Variants in TAF8 observed in about 807,000 individuals in gnomAD.
The protein encoded by TAF8 is TATA-box binding protein associated factor 8, also known as transcription initiation factor TFIID subunit 8.
In TAF8, 47 loss-of-function variants were observed where a neutral mutation model predicts 36.5. The ratio of observed to expected loss-of-function variants is 1.29; its 90% CI spans 1.02 to 1.64. The LOEUF (loss-of-function observed/expected upper bound fraction) is 1.64. Ranked by LOEUF, TAF8 falls within the 40% of genes most tolerant of loss-of-function variation. The pLI is 0.00. For synonymous variants in TAF8, 175 were observed against 159.5 expected, an observed-to-expected ratio of 1.10 and a Z score of -0.73; for missense variants, 420 against 407.6, an observed-to-expected ratio of 1.03 and a Z score of -0.26.
chr6:42,053,932 T>C (rs1380208612), intron 2 of TAF8, among the ~76,000 whole-genome samples: 1 of 152,218 alleles, frequency 6.6e-6, no homozygotes, highest in African/African-American at 2.4e-5. Flanking sequence ...TTGCTCAGTA[T>C]AGCAGGGGGG....
At chr6:42,068,818 A>G (rs1287399645) in intron 7 of TAF8, among the ~76,000 whole-genome samples, 2 of 152,174 alleles carry the variant, frequency 1.3e-5, no homozygotes, top group East Asian at 3.9e-4. Flanking sequence ...CGTTCATTCA[A>G]CAAATACAGT....
chr6:42,055,638 A>G lies in TAF8; in HGVS notation c.301+9A>G, dbSNP rs372622844. The stretch of plus-strand genomic sequence containing the variant: ...CACACTTGTTGAGATGGGTGAGTAT[A>G]CCTTCAGTTTCCAGTTCTTCGATGC... On this transcript the variant is annotated intron_variant, in intron 3 of 8. Coordinates refer to ENST00000372977, the MANE Select transcript of TAF8 (RefSeq NM_138572.3). The G allele has an allele frequency of 2.5e-5, 41 of 1,608,178 alleles. No individual in the cohort carries two copies. In the African/African-American group the frequency reaches 4.3e-4, roughly 17 times the overall value.
At chr6:42,050,893 CA>C in intron 1 of TAF8, 1 of 1,196,496 alleles carries the variant, frequency 8.4e-7, no homozygotes, top group Non-Finnish European at 1.0e-6. Flanking sequence ...ATTCCCGTTT[CA>C]AAATATTTAG....
rs1765951887 is a variant in TAF8 at position 42,082,445 on chromosome 6, T to A, written c.*4900T>A. The A allele has an allele frequency of 6.6e-6, 1 of 152,320 alleles. No homozygotes were observed. Among genetic ancestry groups the A allele is most frequent in the South Asian group, 2.1e-4 (1 of 4,838 alleles). The allele number at this position is 152,320 out of a possible 1,614,324, so 9.4% of individuals were successfully genotyped here. A position where few individuals can be genotyped will look rare whatever the true frequency, so the allele number is the denominator to read the frequency against. On this transcript the variant is annotated 3_prime_UTR_variant, in exon 9 of 9. Transcript: ENST00000372977. ...CCTCCACCTCCCGGGTTCAAGAGAT[T>A]CTCCTGCCTCAGCCTCCCAAGTAGC...
intron 7 of TAF8, among the ~76,000 whole-genome samples, chr6:42,072,815 C>G (rs1049303004): frequency 6.6e-6 from 1 of 152,032 alleles, no homozygotes; most frequent in African/African-American, 2.4e-5. Context: ...CTCCGCCTCC[C>G]GGGTTCATGC....
rs571529297 is a variant in TAF8, at chr6:42,059,240, G to A, written c.489+1727G>A. On this transcript the variant is annotated intron_variant, in intron 5 of 8. Transcript: ENST00000372977. ...TTACTAAAAATACAAAAAATCAGCC[G>A]GGCATGGTGGCGGGCACCTGTAGTC... 6.6e-5 allele frequency among the ~76,000 whole-genome samples: 10 copies of A among 152,184 alleles called. No individual in the cohort carries two copies. In the South Asian group the frequency reaches 8.3e-4, roughly 13 times the overall value.
intron 7 of TAF8, among the ~76,000 whole-genome samples, chr6:42,075,721 C>T (rs1439156141): frequency 2.0e-5 from 3 of 152,136 alleles, no homozygotes; most frequent in Non-Finnish European, 4.4e-5. Context: ...CCCGACCAAA[C>T]GTGGAAAATA....
At chr6:42,071,431 T>C (rs1231434023) in intron 7 of TAF8, 1 of 177,462 alleles carries the variant, frequency 5.6e-6, no homozygotes, top group Non-Finnish European at 1.2e-5. Context: ...GTTCAAGCGA[T>C]TCTCCAGCCT....
intron 5 of TAF8, among the ~76,000 whole-genome samples, chr6:42,065,983 C>T (rs546408596): frequency 6.6e-6 from 1 of 152,194 alleles, no homozygotes. Context: ...TCACTGCAAC[C>T]TCCGCCTCCT....
chr6:42,050,801 G>T, intron 1 of TAF8: 1 of 905,998 alleles, frequency 1.1e-6, no homozygotes, highest in Non-Finnish European at 1.5e-6. Context: ...GTTCGCTGTT[G>T]GGGGTTGGGA....
At chr6:42,075,396 T>C (rs891969705) in intron 7 of TAF8, among the ~76,000 whole-genome samples, 2 of 152,180 alleles carry the variant, frequency 1.3e-5, no homozygotes, top group Admixed American at 6.5e-5. Context: ...ACTGGGCCAA[T>C]GGAACTGTGT....
rs73430047 is a variant in TAF8 at position 42,076,451 on chromosome 6, A to G, written c.781-649A>G. Among the ~76,000 whole-genome samples, 676 of 152,316 alleles carry G rather than the reference A, an allele frequency of 4.4e-3. 5 individuals are homozygous for G. Among genetic ancestry groups the G allele is most frequent in the African/African-American group, 0.016 (647 of 41,584 alleles). On this transcript the variant is annotated intron_variant, in intron 7 of 8. Coordinates refer to ENST00000372977, the MANE Select transcript of TAF8 (RefSeq NM_138572.3). Reference sequence around the variant, plus strand: ...GGTGACACAGGGAGACTCCATCTCAAACAGGCAAACAAACAAACCCTGCCT... The same window carrying G: ...GGTGACACAGGGAGACTCCATCTCAGACAGGCAAACAAACAAACCCTGCCT...
At chr6:42,067,135 A>G (rs1040466554) in intron 6 of TAF8, among the ~76,000 whole-genome samples, 28 of 152,214 alleles carry the variant, frequency 1.8e-4, no homozygotes, top group African/African-American at 5.8e-4. Context: ...TCACTTCCTC[A>G]AGGAACATGG....
chr6:42,055,475 A>G (rs1764945089), intron 2 of TAF8, 56 bp from the exon 3 acceptor site: 4 of 1,216,212 alleles, frequency 3.3e-6, no homozygotes, highest in South Asian at 1.2e-5. Flanking sequence ...TGGTAATTCT[A>G]TGTTTAACTT....
At chr6:42,052,318 C>CG (rs60550539) in intron 2 of TAF8, among the ~76,000 whole-genome samples, 3,378 of 52,968 alleles carry the variant, frequency 0.064, 134 homozygotes, top group African/African-American at 0.24. Flanking sequence ...AGGGGAAAAG[C>CG]CCCCCCCCCC....
chr6:42,064,710 C>T (rs185151039), intron 5 of TAF8, among the ~76,000 whole-genome samples: 1 of 151,970 alleles, frequency 6.6e-6, no homozygotes, highest in African/African-American at 2.4e-5. Flanking sequence ...GTAATCCCAG[C>T]ACTTTGGGAG....
At chr6:42,071,966 G>T (rs917660029) in intron 7 of TAF8, among the ~76,000 whole-genome samples, 2 of 152,176 alleles carry the variant, frequency 1.3e-5, no homozygotes, top group African/African-American at 2.4e-5. Flanking sequence ...CCAAGCCAGG[G>T]TTGCAGACAG....
chr6:42,068,485 A>G lies in TAF8; in HGVS notation c.658A>G (p.Thr220Ala), dbSNP rs1357988637. ...GCCAGTGATTGCTGCCAGACCTTTC[A>G]CCATCCCCTACCTGACAGCTCTTCT... ...TFPLIAARPF[T>A]IPYLTALLPS... Residue 220 changes from threonine (T) to alanine (A), a missense_variant, in exon 7 of 9, where the codon ACC becomes GCC. By Grantham distance (58) the Thr-to-Ala change is moderately conservative. Coordinates refer to ENST00000372977, the MANE Select transcript of TAF8 (RefSeq NM_138572.3). The G allele has an allele frequency of 6.2e-7, 1 of 1,613,914 alleles. No individual in the cohort carries two copies. Among genetic ancestry groups the G allele is most frequent in the Admixed American group, 1.7e-5 (1 of 59,996 alleles).
In TAF8 at chr6:42,079,555, T is replaced by C; in HGVS notation, c.*2010T>C. 1 of 985,264 alleles carries C rather than the reference T, an allele frequency of 1.0e-6. No individual in the cohort carries two copies. Among genetic ancestry groups the C allele is most frequent in the Non-Finnish European group, 1.2e-6 (1 of 829,910 alleles). 61.0% of individuals were successfully genotyped at this position (985,264 alleles called of 1,614,324 possible). A position where few individuals can be genotyped will look rare whatever the true frequency, so the allele number is the denominator to read the frequency against. ...TTAGCTTCATGTATTCCCCTTTGGC[T>C]TCCACAGTTCAACTCCTTTTATTTT... On this transcript the variant is annotated 3_prime_UTR_variant, in exon 9 of 9. Coordinates refer to ENST00000372977, the MANE Select transcript of TAF8 (RefSeq NM_138572.3).
Sources: allele counts gnomAD v4.1 joint callset (sites outside exome capture counted in the v4.1 genomes callset), GRCh38; gene constraint gnomAD v4.1.1; transcripts MANE v1.5; gene names NCBI Gene and HGNC (gene_info 2026-07-23, HGNC 2026-07-21).